The following WWOX variants were observed in gnomAD, a reference collection of about 807,000 sequenced individuals.
WWOX encodes the protein WW domain-containing oxidoreductase.
A neutral mutation model predicts 46.2 loss-of-function variants in WWOX; 69 were observed. The observed-to-expected ratio is 1.49, with a 90% CI of 1.23 to 1.82. The LOEUF is 1.82. Ranked by LOEUF, WWOX falls within the 40% of genes most tolerant of loss-of-function variation. WWOX has a pLI of 0.00. For synonymous variants in WWOX, 359 were observed against 202.6 expected, an observed-to-expected ratio of 1.77 and a Z score of -6.56; for missense variants, 919 against 542.6, an observed-to-expected ratio of 1.69 and a Z score of -6.89.
intron 7 of WWOX, 130 bp downstream of exon 7, chr16:78,425,185 C>T (rs1192919994): frequency 2.4e-6 from 3 of 1,269,012 alleles, no homozygotes; most frequent in African/African-American, 1.5e-5. Context: ...CAGCTTGGCT[C>T]ACTTAATTTT....
At chr16:78,322,424 G>T (rs12932345) in intron 5 of WWOX, among the ~76,000 whole-genome samples, 3 of 152,072 alleles carry the variant, frequency 2.0e-5, no homozygotes, top group African/African-American at 2.4e-5. Context: ...GTTCGTGATC[G>T]CCAGGATCAG....
chr16:78,524,703 G>C (rs1297925457), intron 8 of WWOX, among the ~76,000 whole-genome samples: 3 of 151,818 alleles, frequency 2.0e-5, no homozygotes, highest in Non-Finnish European at 2.9e-5. Flanking sequence ...AAAGGTGTGA[G>C]CCACCGCGCC....
At chr16:78,499,251 G>A (rs891901907) in intron 8 of WWOX, among the ~76,000 whole-genome samples, 1 of 152,140 alleles carries the variant, frequency 6.6e-6, no homozygotes, top group African/African-American at 2.4e-5. Context: ...GGCGGAGGTG[G>A]TGGAAAGGCA....
chr16:78,111,318 A>C (rs776726802), intron 3 of WWOX, among the ~76,000 whole-genome samples: 14 of 152,224 alleles, frequency 9.2e-5, no homozygotes, highest in Admixed American at 2.0e-4. Flanking sequence ...GATCATGGAC[A>C]ATTATCAATC....
In WWOX at chr16:78,902,248, C is replaced by A. The variant is rs557425968; in HGVS notation, c.1057-309360C>A. 1.1e-4 allele frequency among the ~76,000 whole-genome samples: 17 copies of A among 152,318 alleles called. No individual in the cohort carries two copies. The East Asian group carries it at 1.2e-3, about 10-fold the overall frequency. On this transcript the variant is annotated intron_variant, in intron 8 of 8. Coordinates refer to ENST00000566780, the MANE Select transcript of WWOX (RefSeq NM_016373.4). ...CAACAACTTAGCCTGGTTACTTTGC[C>A]ACCAAACCCCACCAAATGCCTTTGT... is the stretch of plus-strand genomic sequence containing the variant.
intron 8 of WWOX, among the ~76,000 whole-genome samples, chr16:78,803,433 G>C (rs564004577): frequency 6.6e-6 from 1 of 152,016 alleles, no homozygotes; most frequent in Admixed American, 6.6e-5. Flanking sequence ...AAAGTATTAC[G>C]TGGGTTTCAA....
Position 78,378,647 on chromosome 16 carries a change from A to T in WWOX, c.517-8213A>T, listed in dbSNP as rs2081884056. On this transcript the variant is annotated intron_variant, in intron 5 of 8. Coordinates refer to ENST00000566780, the MANE Select transcript of WWOX (RefSeq NM_016373.4). ...TGTCTCTTGCTGTTGTAAATGTGAC[A>T]GCTCCTATTTAAGGTTTTAGAACAT... Among the ~76,000 whole-genome samples the T allele has an allele frequency of 3.9e-5, 6 of 152,334 alleles. No individual in the cohort carries two copies. In the South Asian group the frequency reaches 8.3e-4, roughly 21 times the overall value.
At chr16:78,916,595 A>G (rs917783106) in intron 8 of WWOX, among the ~76,000 whole-genome samples, 14 of 152,236 alleles carry the variant, frequency 9.2e-5, no homozygotes, top group African/African-American at 3.4e-4. Context: ...TAATTATACC[A>G]AGACAACAGA....
chr16:78,880,328 G>A (rs957973797), intron 8 of WWOX, among the ~76,000 whole-genome samples: 2 of 152,106 alleles, frequency 1.3e-5, no homozygotes, highest in African/African-American at 4.8e-5. Context: ...CCGTACCTGT[G>A]GAAATTAGAC....
At chr16:78,438,795 C>G (rs571828156) in intron 8 of WWOX, among the ~76,000 whole-genome samples, 2 of 152,096 alleles carry the variant, frequency 1.3e-5, no homozygotes, top group African/African-American at 4.8e-5. Flanking sequence ...TGAGTTTTAA[C>G]GGATGTGCAG....
chr16:78,423,679 T>C (rs2083005461), intron 6 of WWOX, among the ~76,000 whole-genome samples: 1 of 151,606 alleles, frequency 6.6e-6, no homozygotes, highest in African/African-American at 2.4e-5. Context: ...TCTACAAAAA[T>C]AAAAAATAAG....
intron 5 of WWOX, among the ~76,000 whole-genome samples, chr16:78,372,715 T>C (rs2081722098): frequency 6.6e-6 from 1 of 152,216 alleles, no homozygotes; most frequent in South Asian, 2.1e-4. Context: ...TAAGGTCAGA[T>C]TAATCTTTAT....
rs78749227 is a variant in WWOX at position 78,394,577 on chromosome 16, C to G, written c.605+7629C>G. Among the ~76,000 whole-genome samples, 601 of 152,184 alleles carry G rather than the reference C, an allele frequency of 3.9e-3. 21 individuals are homozygous for G. In the East Asian group the frequency reaches 0.068, roughly 17 times the overall value. On this transcript the variant is annotated intron_variant, in intron 6 of 8. Transcript: ENST00000566780. ...TGAAATAGATCATACACTCTCTTCC[C>G]AAAAACATCAAAGTATGACCGTAAA...
intron 8 of WWOX, among the ~76,000 whole-genome samples, chr16:78,666,217 G>A (rs1365100541): frequency 6.6e-6 from 1 of 152,092 alleles, no homozygotes; most frequent in Non-Finnish European, 1.5e-5. Context: ...AGCCCGGGAG[G>A]TCAAGGCTGT....
intron 8 of WWOX, among the ~76,000 whole-genome samples, chr16:78,705,899 G>A (rs770333052): frequency 1.5e-4 from 23 of 152,242 alleles, no homozygotes; most frequent in Non-Finnish European, 2.5e-4. Flanking sequence ...AATATGACCT[G>A]CTAGATATAA....
chr16:79,042,259 A>G (rs1447649402), intron 8 of WWOX, among the ~76,000 whole-genome samples: 2 of 152,180 alleles, frequency 1.3e-5, no homozygotes, highest in Non-Finnish European at 2.9e-5. Context: ...CCAAAAGCTG[A>G]GGCTTCCTCA....
intron 8 of WWOX, among the ~76,000 whole-genome samples, chr16:79,086,520 A>G (rs2048856836): frequency 6.6e-6 from 1 of 152,188 alleles, no homozygotes; most frequent in South Asian, 2.1e-4. Flanking sequence ...GTACTATCCA[A>G]ATTCTAAAGT....
chr16:78,647,752 C>T (rs1011249463), intron 8 of WWOX, among the ~76,000 whole-genome samples: 1 of 152,178 alleles, frequency 6.6e-6, no homozygotes. Context: ...AGATGAAACC[C>T]AGATCTAACT....
chr16:78,851,037 G>T (rs546332913), intron 8 of WWOX, among the ~76,000 whole-genome samples: 20 of 152,292 alleles, frequency 1.3e-4, no homozygotes, highest in African/African-American at 4.3e-4. Flanking sequence ...TGTATTACAT[G>T]TGAGTTATTT....
Sources: allele counts gnomAD v4.1 joint callset (sites outside exome capture counted in the v4.1 genomes callset), GRCh38; gene constraint gnomAD v4.1.1; transcripts MANE v1.5; gene names NCBI Gene and HGNC (gene_info 2026-07-23, HGNC 2026-07-21).